PTK2: variants seen among roughly 807,000 people sequenced by gnomAD.
PTK2 encodes focal adhesion kinase 1.
In PTK2, 45 loss-of-function variants were observed where a neutral mutation model predicts 150.1. The ratio of observed to expected loss-of-function variants is 0.30; its 90% CI spans 0.24 to 0.38. The LOEUF (loss-of-function observed/expected upper bound fraction) is 0.38, where lower values mean the gene tolerates loss of function less well. Ranked by LOEUF, PTK2 falls within the 10% of genes least tolerant of loss-of-function variation. The probability of loss-of-function intolerance (pLI) is 1.00; values close to 1 mark genes in which losing one functional copy is unlikely to be tolerated. For missense variants in PTK2, 919 were observed against 1,307.3 expected, an observed-to-expected ratio of 0.70 and a Z score of 4.58; for synonymous variants, 432 against 449.2, an observed-to-expected ratio of 0.96 and a Z score of 0.48.
At chr8:140,917,734 GA>G (rs963302414) in intron 2 of PTK2, among the ~76,000 whole-genome samples, 20 of 151,590 alleles carry the variant, frequency 1.3e-4, no homozygotes, top group Admixed American at 6.6e-5. Context: ...TTGTCAAGAA[GA>G]AAAAAAACTG....
chr8:140,770,541 TA>T (rs2100074887), intron 14 of PTK2, among the ~76,000 whole-genome samples, 174 bp downstream of exon 15: 3 of 152,154 alleles, frequency 2.0e-5, no homozygotes, highest in Non-Finnish European at 4.4e-5. Flanking sequence ...AACAGTGACA[TA>T]AAACCTTGCC....
chr8:140,743,412 G>A, intron 19 of PTK2, 82 bp from the exon 23 acceptor site: 1 of 1,051,526 alleles, frequency 9.5e-7, no homozygotes, highest in Non-Finnish European at 1.4e-6. Context: ...CATACCAATA[G>A]GCACTTTGAA....
At chr8:140,931,081 A>G (rs1569118771) in intron 1 of PTK2, among the ~76,000 whole-genome samples, 1 of 151,702 alleles carries the variant, frequency 6.6e-6, no homozygotes, top group Non-Finnish European at 1.5e-5. Context: ...AAAAAAAAAA[A>G]AAAAAAGAAA....
chr8:140,942,015 G>A (rs375987716), intron 1 of PTK2, among the ~76,000 whole-genome samples: 7 of 151,778 alleles, frequency 4.6e-5, no homozygotes, highest in East Asian at 1.9e-4. Context: ...TCAGCCTCCC[G>A]AGTAGCTGGG....
chr8:140,789,417 A>G (rs1362244225), intron 14 of PTK2, 57 bp downstream of exon 14: 2 of 1,534,618 alleles, frequency 1.3e-6, no homozygotes, highest in African/African-American at 2.7e-5. Flanking sequence ...ATAGACATCT[A>G]TGATCGTCTT....
intron 1 of PTK2, among the ~76,000 whole-genome samples, chr8:140,949,845 G>A (rs1414208283): frequency 1.3e-5 from 2 of 152,162 alleles, no homozygotes; most frequent in African/African-American, 4.8e-5. Context: ...TGAAGCCCGG[G>A]AGCCAGGCCA....
intron 1 of PTK2, among the ~76,000 whole-genome samples, chr8:140,961,404 G>A (rs1218524792): frequency 6.6e-6 from 1 of 152,166 alleles, no homozygotes; most frequent in Non-Finnish European, 1.5e-5. Context: ...GCTCACACCT[G>A]TAATCCCAGC....
intron 14 of PTK2, among the ~76,000 whole-genome samples, chr8:140,770,107 A>C (rs1403124828): frequency 1.3e-5 from 2 of 152,232 alleles, no homozygotes; most frequent in African/African-American, 4.8e-5. Flanking sequence ...CCACTACTAT[A>C]AACTGTGGGG....
chr8:140,998,818 C>CAAAA (rs959649621), intron 1 of PTK2, among the ~76,000 whole-genome samples: 3 of 53,506 alleles, frequency 5.6e-5, no homozygotes, highest in Non-Finnish European at 8.1e-5. Context: ...GACTCCGTCT[C>CAAAA]AAAAAAAAAA....
chr8:140,892,394 G>A (rs4961237), intron 2 of PTK2, among the ~76,000 whole-genome samples: 42,418 of 151,962 alleles, frequency 0.28, 6,301 homozygotes, highest in Admixed American at 0.38. Context: ...TAAAGAGCCA[G>A]GAGTCGTGGC....
intron 4 of PTK2, among the ~76,000 whole-genome samples, chr8:140,877,974 A>G (rs1405323155): frequency 2.0e-5 from 3 of 152,198 alleles, no homozygotes; most frequent in Non-Finnish European, 4.4e-5. Context: ...GTGTTAAATA[A>G]AAGTACCTTG....
chr8:140,869,719 C>T (rs564270750), intron 4 of PTK2, among the ~76,000 whole-genome samples: 1 of 151,956 alleles, frequency 6.6e-6, no homozygotes, highest in South Asian at 2.1e-4. Flanking sequence ...TACACAAAGA[C>T]AATAAATATG....
intron 16 of PTK2, among the ~76,000 whole-genome samples, chr8:140,756,662 G>C (rs2100065968): frequency 6.9e-6 from 1 of 144,724 alleles, no homozygotes; most frequent in South Asian, 2.2e-4. Context: ...TTGCACTCCA[G>C]CATGGGCAAC....
chr8:140,981,932 T>C (rs556206234), intron 1 of PTK2, among the ~76,000 whole-genome samples: 1 of 152,228 alleles, frequency 6.6e-6, no homozygotes, highest in South Asian at 2.1e-4. Context: ...TTGAAGAAGG[T>C]AGAGATTATC....
intron 4 of PTK2, among the ~76,000 whole-genome samples, chr8:140,876,172 C>T (rs2154606956): frequency 6.6e-6 from 1 of 152,188 alleles, no homozygotes; most frequent in South Asian, 2.1e-4. Context: ...GGGGCCAATG[C>T]ATATTTAGAT....
chr8:140,899,062 T>G (rs2100157433), intron 2 of PTK2, among the ~76,000 whole-genome samples: 1 of 152,226 alleles, frequency 6.6e-6, no homozygotes, highest in African/African-American at 2.4e-5. Flanking sequence ...TGAGTTTATT[T>G]TCCCATAAAA....
chr8:140,855,962 A>G (rs1274705309), intron 5 of PTK2, among the ~76,000 whole-genome samples: 1 of 152,208 alleles, frequency 6.6e-6, no homozygotes, highest in Non-Finnish European at 1.5e-5. Flanking sequence ...CACAATTTAA[A>G]AAAAATTGGG....
intron 22 of PTK2, among the ~76,000 whole-genome samples, chr8:140,729,346 G>A (rs1054203946): frequency 2.0e-5 from 3 of 152,204 alleles, no homozygotes; most frequent in South Asian, 4.1e-4. Flanking sequence ...GGATGACACC[G>A]TGTCATGGCT....
Position 140,977,893 on chromosome 8 carries a change from G to A in PTK2, c.-122+23232C>T, listed in dbSNP as rs1048701347. Among the ~76,000 whole-genome samples the A allele has an allele frequency of 5.3e-5, 8 of 152,054 alleles. No homozygotes were observed. The East Asian group carries it at 5.8e-4, about 11-fold the overall frequency. ...CAGTAACCAAAACAGCATGGTACTG[G>A]TACCAAATCAGAGATATAGATCAAT... is the stretch of plus-strand genomic sequence containing the variant. On this transcript the variant is annotated intron_variant, in intron 1 of 31. Transcript: ENST00000522684.
Sources: gnomAD v4.1 joint callset for allele counts (sites outside exome capture counted in the v4.1 genomes callset) on GRCh38, gnomAD v4.1.1 for gene constraint, MANE v1.5 for transcripts, NCBI Gene and HGNC (gene_info 2026-07-23, HGNC 2026-07-21) for gene names.